The following DNAH14 variants were observed in gnomAD, a reference collection of about 807,000 sequenced individuals.
DNAH14 encodes the protein dynein axonemal heavy chain 14, also known as axonemal beta dynein heavy chain 14.
A neutral mutation model predicts 520.9 loss-of-function variants in DNAH14; 478 were observed. The ratio of observed to expected loss-of-function variants is 0.92; its 90% CI spans 0.85 to 0.99. DNAH14 has a LOEUF of 0.99. Among genes scored for constraint, DNAH14 ranks in the 50% least tolerant of loss-of-function variants. The probability of loss-of-function intolerance (pLI) is 0.00; values close to 1 mark genes in which losing one functional copy is unlikely to be tolerated. For synonymous variants in DNAH14, 1,581 were observed against 1,757.2 expected (o/e 0.90, Z 2.51); for missense variants, 4,831 against 5,234.5 (o/e 0.92, Z 2.38).
At chr1:225,381,339 T>C (rs1289759861) in intron 80 of DNAH14, 44 bp from the exon 81 acceptor site, 3 of 1,509,594 alleles carry the variant, frequency 2.0e-6, no homozygotes. Flanking sequence ...AAGCCTCTTT[T>C]TAATCTGTAA....
At chr1:224,940,296 AGTATTCT>A (rs980520438) in intron 1 of DNAH14, among the ~76,000 whole-genome samples, 2 of 152,194 alleles carry the variant, frequency 1.3e-5, no homozygotes, top group African/African-American at 4.8e-5. Flanking sequence ...TTATTTTCAC[AGTATTCT>A]GTTGGTCAAA....
intron 78 of DNAH14, among the ~76,000 whole-genome samples, chr1:225,375,109 C>T (rs995673365): frequency 4.0e-5 from 6 of 151,846 alleles, no homozygotes; most frequent in Non-Finnish European, 5.9e-5. Context: ...CCTCCGAGAA[C>T]GTAGAGTGTA....
In DNAH14 at chr1:225,231,861, A is replaced by G. The variant is rs665334; in HGVS notation, c.6518+710A>G. 2.5e-3 allele frequency among the ~76,000 whole-genome samples: 384 copies of G among 152,270 alleles called. 2 individuals carry two copies. The highest frequency in any genetic ancestry group is 8.5e-3 in the African/African-American group (354 of 41,562). On this transcript the variant is annotated intron_variant, in intron 42 of 85. Transcript: ENST00000682510. Reference sequence around the variant, plus strand: ...TTTCCTGCTCATTCTCAATGTAACAACAAGAAATTAAATTTTTATTAAATA... The same window carrying G: ...TTTCCTGCTCATTCTCAATGTAACAGCAAGAAATTAAATTTTTATTAAATA...
intron 27 of DNAH14, among the ~76,000 whole-genome samples, chr1:225,127,793 C>A (rs557047029): frequency 9.2e-5 from 14 of 152,140 alleles, no homozygotes; most frequent in Non-Finnish European, 1.5e-4. Flanking sequence ...GATGCAGTTT[C>A]TTCCTAGTCT....
chr1:225,263,092 A>G (rs893534687), intron 46 of DNAH14, among the ~76,000 whole-genome samples: 1 of 151,878 alleles, frequency 6.6e-6, no homozygotes, highest in Non-Finnish European at 1.5e-5. Flanking sequence ...ATATTAGAGA[A>G]GCCTAGTATT....
At chr1:224,960,465 T>C (rs2060776151) in intron 4 of DNAH14, among the ~76,000 whole-genome samples, 163 bp downstream of exon 4, 1 of 152,188 alleles carries the variant, frequency 6.6e-6, no homozygotes, top group African/African-American at 2.4e-5. Flanking sequence ...TAAAATTCTT[T>C]TTGAAAATCT....
chr1:225,219,794 T>G (rs2089854816), intron 41 of DNAH14, among the ~76,000 whole-genome samples: 1 of 152,098 alleles, frequency 6.6e-6, no homozygotes, highest in African/African-American at 2.4e-5. Flanking sequence ...GGGACTCCTC[T>G]ATAACTCATT....
chr1:225,078,590 T>C (rs1024829854), intron 17 of DNAH14, among the ~76,000 whole-genome samples: 7 of 152,210 alleles, frequency 4.6e-5, no homozygotes, highest in Non-Finnish European at 8.8e-5. Context: ...TTATGTGATA[T>C]GGTTTGGCTC....
intron 11 of DNAH14, among the ~76,000 whole-genome samples, chr1:225,032,588 T>C (rs983324695): frequency 6.6e-6 from 1 of 152,124 alleles, no homozygotes; most frequent in Non-Finnish European, 1.5e-5. Flanking sequence ...TCCCTTTGGG[T>C]ATGTACTCAA....
At chr1:225,156,999 G>A (rs1206610594) in intron 34 of DNAH14, among the ~76,000 whole-genome samples, 1 of 109,418 alleles carries the variant, frequency 9.1e-6, no homozygotes, top group Non-Finnish European at 1.9e-5. Context: ...ACAGGCGTGA[G>A]CCACCGCGCC....
intron 58 of DNAH14, among the ~76,000 whole-genome samples, chr1:225,306,097 T>C (rs61849998): frequency 2.1e-3 from 320 of 152,346 alleles, no homozygotes; most frequent in Non-Finnish European, 3.8e-3. Flanking sequence ...TCAGCACTCA[T>C]GCTGGAGAGT....
chr1:225,192,699 T>G lies in DNAH14; in HGVS notation c.5674T>G (p.Ser1892Ala). The G allele has an allele frequency of 6.5e-7, 1 of 1,545,406 alleles. No individual in the cohort carries two copies. Among genetic ancestry groups the G allele is most frequent in the Non-Finnish European group, 8.7e-7 (1 of 1,142,976 alleles). The change falls in exon 38 of 86, where the codon TCA (serine) becomes GCA (alanine). Residue 1892 changes from serine to alanine, a missense_variant. Ser to Ala is a moderately conservative substitution (Grantham distance 99, BLOSUM62 1). Transcript: ENST00000682510. ...AACTACACTGGATTTTTCCCAGATT[T>G]CAGAAAGAAAAGGAAAAGTAGATAT... ...VAERKSASKI[S>A]ERKGKVDICV...
At chr1:225,124,316 A>G (rs1263685885) in intron 27 of DNAH14, among the ~76,000 whole-genome samples, 1 of 152,190 alleles carries the variant, frequency 6.6e-6, no homozygotes, top group Non-Finnish European at 1.5e-5. Flanking sequence ...TTCCTTTCCC[A>G]AAAGATTTCT....
Position 225,088,966 on chromosome 1 carries a change from C to G in DNAH14, c.3573+3177C>G, listed in dbSNP as rs115020883. 5.0e-3 allele frequency among the ~76,000 whole-genome samples: 763 copies of G among 152,236 alleles called. 6 individuals are homozygous for G. The highest frequency in any genetic ancestry group is 0.017 in the African/African-American group (720 of 41,544). On this transcript the variant is annotated intron_variant, in intron 21 of 85. Coordinates refer to ENST00000682510, the MANE Select transcript of DNAH14 (RefSeq NM_001367479.1). ...TAGTTAAAAACAGTTTAAAACTTTC[C>G]TACAAGGAATAGTCTTGACCCAGAT...
intron 43 of DNAH14, 63 bp from the exon 44 acceptor site, chr1:225,252,238 G>T (rs889574274): frequency 1.2e-6 from 1 of 855,608 alleles, no homozygotes; most frequent in Non-Finnish European, 1.9e-6. Flanking sequence ...GAGTTTACAT[G>T]GTTAGTGAAA....
At chr1:225,028,902 A>G (rs1400513724) in intron 11 of DNAH14, among the ~76,000 whole-genome samples, 1 of 152,096 alleles carries the variant, frequency 6.6e-6, no homozygotes, top group Non-Finnish European at 1.5e-5. Context: ...TTTCTTATAA[A>G]GATAAACATA....
chr1:224,990,192 T>G (rs1440000982), intron 8 of DNAH14, among the ~76,000 whole-genome samples: 1 of 152,182 alleles, frequency 6.6e-6, no homozygotes, highest in Non-Finnish European at 1.5e-5. Flanking sequence ...TATTTTACAT[T>G]GACAGATTAT....
At chr1:225,273,259 G>T in intron 52 of DNAH14, 134 bp downstream of exon 52, 1 of 979,380 alleles carries the variant, frequency 1.0e-6, no homozygotes, top group Non-Finnish European at 1.4e-6. Context: ...GTGAAACCCC[G>T]TGTCTACTAA....
chr1:225,040,500 C>T (rs1476793842), intron 12 of DNAH14, among the ~76,000 whole-genome samples: 1 of 151,976 alleles, frequency 6.6e-6, no homozygotes, highest in Non-Finnish European at 1.5e-5. Flanking sequence ...GTATACGATA[C>T]CTGCAAAAAT....
Sources: gnomAD v4.1 joint callset for allele counts (sites outside exome capture counted in the v4.1 genomes callset) on GRCh38, gnomAD v4.1.1 for gene constraint, MANE v1.5 for transcripts, NCBI Gene and HGNC (gene_info 2026-07-23, HGNC 2026-07-21) for gene names.